The following MACROD2 variants were observed in gnomAD, a reference collection of about 807,000 sequenced individuals.
MACROD2 encodes ADP-ribose glycohydrolase MACROD2.
A neutral mutation model predicts 70.4 loss-of-function variants in MACROD2; 36 were observed. That is an observed-to-expected ratio of 0.51 (90% CI 0.39 to 0.68). The LOEUF (loss-of-function observed/expected upper bound fraction) is 0.68, where lower values mean the gene tolerates loss of function less well. Ranked by LOEUF, MACROD2 falls within the 30% of genes least tolerant of loss-of-function variation. The pLI is 0.00. For synonymous variants in MACROD2, 172 were observed against 178.8 expected, an observed-to-expected ratio of 0.96 and a Z score of 0.30; for missense variants, 496 against 538.4, an observed-to-expected ratio of 0.92 and a Z score of 0.78.
intron 3 of MACROD2, among the ~76,000 whole-genome samples, chr20:14,292,848 T>TG: frequency 1.3e-5 from 2 of 151,996 alleles, no homozygotes; most frequent in South Asian, 4.1e-4. Flanking sequence ...TTAGTGAGGC[T>TG]GGTCTTGAAC....
At chr20:14,858,980 G>A (rs75995320) in intron 5 of MACROD2, among the ~76,000 whole-genome samples, 2,171 of 152,140 alleles carry the variant, frequency 0.014, 27 homozygotes, top group South Asian at 0.027. Context: ...AAGTAGTCAC[G>A]AATGGTTAAT....
chr20:15,615,036 A>G (rs2049018755), intron 8 of MACROD2, among the ~76,000 whole-genome samples: 1 of 152,288 alleles, frequency 6.6e-6, no homozygotes, highest in South Asian at 2.1e-4. Flanking sequence ...GCCCCTAAAC[A>G]TGCCTTCCCT....
At chr20:14,816,027 A>G (rs1413862108) in intron 5 of MACROD2, among the ~76,000 whole-genome samples, 2 of 152,036 alleles carry the variant, frequency 1.3e-5, no homozygotes, top group African/African-American at 2.4e-5. Context: ...ACACTATCAG[A>G]TGTTCCTTTC....
intron 13 of MACROD2, among the ~76,000 whole-genome samples, chr20:15,968,803 A>G (rs1197294342): frequency 4.7e-3 from 51 of 10,866 alleles, no homozygotes; most frequent in African/African-American, 0.016. Context: ...ATGCGTATAT[A>G]TATATATATA....
chr20:14,633,169 C>T (rs1004942998), intron 4 of MACROD2, among the ~76,000 whole-genome samples: 1 of 152,230 alleles, frequency 6.6e-6, no homozygotes, highest in African/African-American at 2.4e-5. Context: ...TCTGTGGTCA[C>T]GTTGCCTTCC....
chr20:14,265,764 C>G (rs981167726), intron 3 of MACROD2, among the ~76,000 whole-genome samples: 1 of 143,398 alleles, frequency 7.0e-6, no homozygotes, highest in African/African-American at 2.5e-5. Context: ...TCAACCTGTT[C>G]CCCGCCTTGT....
intron 5 of MACROD2, among the ~76,000 whole-genome samples, chr20:15,023,698 C>A (rs1481917488): frequency 6.6e-6 from 1 of 152,108 alleles, no homozygotes; most frequent in Non-Finnish European, 1.5e-5. Context: ...GAAACTTATT[C>A]ACTATCAAGA....
At chr20:15,664,061 T>A (rs1209094696) in intron 8 of MACROD2, among the ~76,000 whole-genome samples, 2 of 152,124 alleles carry the variant, frequency 1.3e-5, no homozygotes, top group East Asian at 1.9e-4. Context: ...GTATGATAAA[T>A]CATGAGTGTG....
At chr20:15,664,126 C>T (rs6110713) in intron 8 of MACROD2, among the ~76,000 whole-genome samples, 16,861 of 152,170 alleles carry the variant, frequency 0.11, 1,340 homozygotes, top group East Asian at 0.36. Context: ...AAAGAAATCA[C>T]CTTCAGCTTG....
chr20:15,868,831 G>A (rs970363968), intron 9 of MACROD2, among the ~76,000 whole-genome samples: 1 of 152,018 alleles, frequency 6.6e-6, no homozygotes, highest in African/African-American at 2.4e-5. Flanking sequence ...CTGGAGCGCA[G>A]TAACGCAATC....
At position 14,296,830 on chromosome 20, in the gene MACROD2, T is replaced by C. The variant is rs191711610; in HGVS notation, c.272-196649T>C. 1.2e-3 allele frequency among the ~76,000 whole-genome samples: 176 copies of C among 152,052 alleles called. 3 individuals carry two copies. The highest frequency in any genetic ancestry group is 4.0e-3 in the African/African-American group (166 of 41,380). On this transcript the variant is annotated intron_variant, in intron 3 of 17. Coordinates refer to ENST00000684519, the MANE Select transcript of MACROD2 (RefSeq NM_001351661.2). ...AGTTTTATATACCTATACACATATTTCATTTTATTGTCCTTCACTTTATTA... is the reference window on the plus strand; with the variant it reads ...AGTTTTATATACCTATACACATATTCCATTTTATTGTCCTTCACTTTATTA...
At chr20:14,135,658 A>G (rs2054785528) in intron 3 of MACROD2, among the ~76,000 whole-genome samples, 2 of 152,220 alleles carry the variant, frequency 1.3e-5, no homozygotes, top group African/African-American at 4.8e-5. Flanking sequence ...CTTGGGTGAC[A>G]GAGCAAGACT....
intron 3 of MACROD2, among the ~76,000 whole-genome samples, chr20:14,467,284 G>A (rs1031177454): frequency 1.3e-5 from 2 of 152,090 alleles, no homozygotes; most frequent in African/African-American, 4.8e-5. Context: ...TTGATCTCAG[G>A]CTGCTGTGCT....
At chr20:15,613,667 G>C (rs1029099996) in intron 8 of MACROD2, among the ~76,000 whole-genome samples, 2 of 152,202 alleles carry the variant, frequency 1.3e-5, no homozygotes, top group Non-Finnish European at 2.9e-5. Flanking sequence ...GCTTCCAGAA[G>C]TTAATCTGGC....
intron 2 of MACROD2, among the ~76,000 whole-genome samples, chr20:14,073,029 G>A (rs907504857): frequency 4.6e-5 from 7 of 151,730 alleles, no homozygotes; most frequent in African/African-American, 1.7e-4. Context: ...AGAGGGAAAT[G>A]TTTTTTATAA....
At chr20:15,871,413 AT>A (rs2064581891) in intron 9 of MACROD2, among the ~76,000 whole-genome samples, 1 of 152,086 alleles carries the variant, frequency 6.6e-6, no homozygotes, top group South Asian at 2.1e-4. Flanking sequence ...ATCCATTATC[AT>A]TCATTATCTT....
chr20:15,670,740 A>G lies in MACROD2; in HGVS notation c.645+170893A>G, dbSNP rs117528000. On this transcript the variant is annotated intron_variant, in intron 8 of 17. Coordinates refer to ENST00000684519, the MANE Select transcript of MACROD2 (RefSeq NM_001351661.2). ...CTGTTCCTTTTTAGTCAATATATTG[A>G]ATATCATATTCATATATATCATATC... Among the ~76,000 whole-genome samples the G allele has an allele frequency of 1.0e-3, 158 of 152,316 alleles. 5 individuals carry two copies. In the East Asian group the frequency reaches 0.026, roughly 26 times the overall value.
At chr20:14,954,721 T>C (rs1420893539) in intron 5 of MACROD2, among the ~76,000 whole-genome samples, 4 of 796 alleles carry the variant, frequency 5.0e-3, no homozygotes, top group African/African-American at 0.013. Context: ...AATATATAAA[T>C]GTATAAATAT....
chr20:15,634,870 T>C (rs1337104012), intron 8 of MACROD2, among the ~76,000 whole-genome samples: 3 of 152,212 alleles, frequency 2.0e-5, no homozygotes, highest in African/African-American at 7.2e-5. Flanking sequence ...GAATGAGATT[T>C]GAATAAAGTT....
Sources: gnomAD v4.1 joint callset for allele counts (sites outside exome capture counted in the v4.1 genomes callset) on GRCh38, gnomAD v4.1.1 for gene constraint, MANE v1.5 for transcripts, NCBI Gene and HGNC (gene_info 2026-07-23, HGNC 2026-07-21) for gene names.